The following TASP1 variants were observed in gnomAD, a reference collection of about 807,000 sequenced individuals.
The protein encoded by TASP1 is threonine aspartase 1.
TASP1 carries 16 observed loss-of-function variants against 56.6 expected under a neutral mutation model. The observed-to-expected ratio is 0.28, with a 90% CI of 0.19 to 0.43. The LOEUF (loss-of-function observed/expected upper bound fraction) is 0.43, where lower values mean the gene tolerates loss of function less well. TASP1 is among the 20% of genes least tolerant of loss of function. The pLI, the probability that TASP1 is intolerant of heterozygous loss-of-function variation, is 1.00. For synonymous variants in TASP1, 179 were observed against 184.2 expected (o/e 0.97, Z 0.23); for missense variants, 393 against 511.6 (o/e 0.77, Z 2.24).
the TASP1 span, among the ~76,000 whole-genome samples, chr20:13,243,397 T>C: frequency 3.0e-4 from 45 of 152,266 alleles, no homozygotes; most frequent in South Asian, 9.1e-3. Context: ...GGAAATGTAT[T>C]CCCTGATAAG....
chr20:13,495,405 TTCTC>T (rs1274694962), intron 10 of TASP1, among the ~76,000 whole-genome samples: 2 of 152,170 alleles, frequency 1.3e-5, no homozygotes, highest in Non-Finnish European at 2.9e-5. Context: ...GCTTATCCCT[TTCTC>T]TATTCAATAC....
At chr20:13,431,584 T>C (rs1272754606) in intron 12 of TASP1, among the ~76,000 whole-genome samples, 3 of 151,980 alleles carry the variant, frequency 2.0e-5, no homozygotes, top group Non-Finnish European at 4.4e-5. Context: ...ACAATGGTAT[T>C]GTTGACAGAG....
chr20:13,193,042 G>A, the TASP1 span, among the ~76,000 whole-genome samples: 2 of 152,106 alleles, frequency 1.3e-5, no homozygotes, highest in Admixed American at 1.3e-4. Context: ...ACTGAGATTA[G>A]CTTTCCAGAA....
intron 4 of TASP1, among the ~76,000 whole-genome samples, chr20:13,599,999 T>C (rs990686493): frequency 1.3e-5 from 2 of 152,096 alleles, no homozygotes; most frequent in Non-Finnish European, 2.9e-5. Context: ...ATAGTAGTAA[T>C]AAACTATTGG....
intron 13 of TASP1, among the ~76,000 whole-genome samples, chr20:13,415,466 G>C (rs1325249770): frequency 5.7e-4 from 53 of 92,264 alleles, no homozygotes; most frequent in Non-Finnish European, 9.2e-4. Context: ...TTTTTTCCTT[G>C]AAAGTATTTG....
At chr20:13,233,616 G>C in the TASP1 span, among the ~76,000 whole-genome samples, 1 of 149,872 alleles carries the variant, frequency 6.7e-6, no homozygotes, top group Non-Finnish European at 1.5e-5. Flanking sequence ...AAAAAAAAAG[G>C]AGATCCCATT....
chr20:13,151,063 GT>G, the TASP1 span, among the ~76,000 whole-genome samples: 3 of 152,118 alleles, frequency 2.0e-5, no homozygotes, highest in Non-Finnish European at 2.9e-5. Flanking sequence ...AAGCTCTTCT[GT>G]TTTTATATCT....
At chr20:13,558,935 C>G in intron 8 of TASP1, 73 bp downstream of exon 8, 1 of 978,728 alleles carries the variant, frequency 1.0e-6, no homozygotes, top group Non-Finnish European at 1.5e-6. Flanking sequence ...TTGTATCGTC[C>G]TAAAGCTTGT....
the TASP1 span, among the ~76,000 whole-genome samples, chr20:13,327,586 ATGGTAC>A: frequency 6.6e-6 from 1 of 152,216 alleles, no homozygotes; most frequent in South Asian, 2.1e-4. Context: ...CCAAAACAGC[ATGGTAC>A]TGGTACAAGA....
chr20:13,288,646 A>C, the TASP1 span: 11 of 1,614,006 alleles, frequency 6.8e-6, no homozygotes, highest in East Asian at 2.0e-4. Context: ...CGTGCACTGC[A>C]ACAGAATCGA....
At chr20:13,564,634 A>G (rs1337102290) in intron 7 of TASP1, among the ~76,000 whole-genome samples, 1 of 151,914 alleles carries the variant, frequency 6.6e-6, no homozygotes, top group African/African-American at 2.4e-5. Context: ...TAATCAAAAC[A>G]ATCTTGGAAA....
At chr20:13,568,324 A>G (rs532476693) in intron 7 of TASP1, among the ~76,000 whole-genome samples, 74 of 152,146 alleles carry the variant, frequency 4.9e-4, no homozygotes, top group Non-Finnish European at 9.1e-4. Flanking sequence ...ATTATACCCT[A>G]TTTAACTAAG....
At chr20:13,588,607 G>C (rs924853571) in intron 4 of TASP1, among the ~76,000 whole-genome samples, 8 of 152,062 alleles carry the variant, frequency 5.3e-5, no homozygotes, top group African/African-American at 1.9e-4. Flanking sequence ...ATTTTTAAAA[G>C]AAGTATAAGA....
chr20:13,591,640 G>C lies in TASP1; in HGVS notation c.283-4270C>G, dbSNP rs938063631. The stretch of plus-strand genomic sequence containing the variant: ...ACATGTAAATCTGGGATATGCAAAA[G>C]AATGCAAGTGATTAATACTCTAAAT... On this transcript the variant is annotated intron_variant, in intron 4 of 13. Coordinates refer to ENST00000337743, the MANE Select transcript of TASP1 (RefSeq NM_017714.3). 2.0e-5 allele frequency among the ~76,000 whole-genome samples: 3 copies of C among 152,268 alleles called. No individual in the cohort carries two copies. The East Asian group carries it at 5.8e-4, about 29-fold the overall frequency.
chr20:13,545,361 T>C (rs2045769413), intron 8 of TASP1, among the ~76,000 whole-genome samples: 2 of 152,168 alleles, frequency 1.3e-5, no homozygotes, highest in Admixed American at 1.3e-4. Context: ...TCAGAGACTC[T>C]AAATACCCAA....
At chr20:13,574,227 A>G (rs1430125127) in intron 6 of TASP1, among the ~76,000 whole-genome samples, 1 of 152,210 alleles carries the variant, frequency 6.6e-6, no homozygotes, top group Non-Finnish European at 1.5e-5. Flanking sequence ...CTGTTATAAT[A>G]CTTTGAAAGA....
At chr20:13,220,775 G>A in the TASP1 span, among the ~76,000 whole-genome samples, 2 of 152,306 alleles carry the variant, frequency 1.3e-5, no homozygotes, top group East Asian at 3.9e-4. Context: ...ACTGCTTCAG[G>A]CAGGGGTCGC....
At chr20:13,247,895 C>A in the TASP1 span, among the ~76,000 whole-genome samples, 3 of 152,170 alleles carry the variant, frequency 2.0e-5, no homozygotes, top group Non-Finnish European at 4.4e-5. Flanking sequence ...AATCCTCTAA[C>A]CACAGTGCAA....
chr20:13,391,250 G>A (rs2041263094), intron 13 of TASP1, among the ~76,000 whole-genome samples: 1 of 152,182 alleles, frequency 6.6e-6, no homozygotes, highest in Non-Finnish European at 1.5e-5. Context: ...TATACAACAG[G>A]GAGTTTTGTA....
Sources: allele counts gnomAD v4.1 joint callset (sites outside exome capture counted in the v4.1 genomes callset), GRCh38; gene constraint gnomAD v4.1.1; transcripts MANE v1.5; gene names NCBI Gene and HGNC (gene_info 2026-07-23, HGNC 2026-07-21).